The following DIP2C variants were observed in gnomAD, a reference collection of about 807,000 sequenced individuals.
DIP2C encodes the protein DIP2 acetate--CoA ligase C (putative), also known as disco-interacting protein 2 homolog C.
A neutral mutation model predicts 192.4 loss-of-function variants in DIP2C; 33 were observed. That is an observed-to-expected ratio of 0.17 (90% CI 0.13 to 0.23). The LOEUF is 0.23. Ranked by LOEUF, DIP2C falls within the 10% of genes least tolerant of loss-of-function variation. The pLI is 1.00. For missense variants in DIP2C, 1,537 were observed against 2,110.1 expected, an observed-to-expected ratio of 0.73 and a Z score of 5.32; for synonymous variants, 979 against 864.1, an observed-to-expected ratio of 1.13 and a Z score of -2.33.
At chr10:655,694 G>A (rs1323610728) in intron 1 of DIP2C, among the ~76,000 whole-genome samples, 1 of 152,108 alleles carries the variant, frequency 6.6e-6, no homozygotes, top group Non-Finnish European at 1.5e-5. Context: ...TAGTTCAACT[G>A]TATACTCTAC....
At chr10:536,642 A>T (rs1847714125) in intron 1 of DIP2C, among the ~76,000 whole-genome samples, 1 of 152,210 alleles carries the variant, frequency 6.6e-6, no homozygotes, top group African/African-American at 2.4e-5. Context: ...GTGATTCAGA[A>T]TTCGTTCATG....
chr10:473,987 T>G (rs1279570321), intron 2 of DIP2C, among the ~76,000 whole-genome samples: 3 of 152,178 alleles, frequency 2.0e-5, no homozygotes, highest in African/African-American at 7.2e-5. Flanking sequence ...TTGCTAAGTT[T>G]CATGTGCTTT....
chr10:391,721 C>T (rs537726125), intron 10 of DIP2C, among the ~76,000 whole-genome samples: 17 of 152,192 alleles, frequency 1.1e-4, no homozygotes, highest in Non-Finnish European at 2.4e-4. Context: ...AGCAAGTCAC[C>T]GTCTTCGCTC....
At chr10:673,083 C>CT (rs1263962246) in intron 1 of DIP2C, among the ~76,000 whole-genome samples, 1 of 152,158 alleles carries the variant, frequency 6.6e-6, no homozygotes, top group Non-Finnish European at 1.5e-5. Flanking sequence ...TTTCCCCGGC[C>CT]TTGCTGCTCA....
At chr10:435,954 G>A (rs1242834139) in intron 4 of DIP2C, among the ~76,000 whole-genome samples, 2 of 150,834 alleles carry the variant, frequency 1.3e-5, no homozygotes, top group Admixed American at 6.6e-5. Context: ...CTACTTTGTA[G>A]CCTCATATAT....
At position 378,277 on chromosome 10, in the gene DIP2C, A is replaced by G. The variant is rs75377533; in HGVS notation, c.1991+4370T>C. Reference sequence around the variant, plus strand: ...CAGTTCACGTAGCAAGACTGAGCAGACTTCACTAGAGAACGTGATTTCCTG... The same window carrying G: ...CAGTTCACGTAGCAAGACTGAGCAGGCTTCACTAGAGAACGTGATTTCCTG... On this transcript the variant is annotated intron_variant, in intron 17 of 36. Coordinates refer to ENST00000280886, the MANE Select transcript of DIP2C (RefSeq NM_014974.3). 8.5e-4 allele frequency among the ~76,000 whole-genome samples: 130 copies of G among 152,376 alleles called. 5 individuals carry two copies. In the East Asian group the frequency reaches 0.023, roughly 27 times the overall value.
intron 1 of DIP2C, among the ~76,000 whole-genome samples, chr10:633,078 G>C (rs1854616603): frequency 6.6e-6 from 1 of 152,262 alleles, no homozygotes; most frequent in African/African-American, 2.4e-5. Flanking sequence ...GGAAGGAACT[G>C]AGGAGGATGA....
At chr10:440,540 G>A (rs1967644177) in intron 4 of DIP2C, among the ~76,000 whole-genome samples, 1 of 152,206 alleles carries the variant, frequency 6.6e-6, no homozygotes, top group Non-Finnish European at 1.5e-5. Flanking sequence ...AGCCTAATCA[G>A]AAGAAAAGTC....
intron 1 of DIP2C, among the ~76,000 whole-genome samples, chr10:521,676 A>G (rs149278452): frequency 1.3e-5 from 2 of 152,300 alleles, no homozygotes; most frequent in Non-Finnish European, 2.9e-5. Flanking sequence ...AATAATTTAG[A>G]TTTGTGTATT....
chr10:548,515 GAGGGAGGCAGGC>G (rs1156531144), intron 1 of DIP2C, among the ~76,000 whole-genome samples: 77 of 150,638 alleles, frequency 5.1e-4, no homozygotes, highest in Middle Eastern at 3.2e-3. Context: ...AGGAGGGAGG[GAGGGAGGCAGGC>G]AGGCAGGCAG....
At chr10:332,344 G>C (rs1274581548) in intron 29 of DIP2C, among the ~76,000 whole-genome samples, 4 of 152,194 alleles carry the variant, frequency 2.6e-5, no homozygotes, top group Non-Finnish European at 4.4e-5. Context: ...TTCCTGGCCA[G>C]AGAATTTCAA....
intron 9 of DIP2C, among the ~76,000 whole-genome samples, chr10:407,918 G>A (rs951615059): frequency 1.3e-5 from 2 of 152,082 alleles, no homozygotes; most frequent in African/African-American, 4.8e-5. Flanking sequence ...ATACAAACAT[G>A]TTTAATGTAA....
chr10:323,731 T>A (rs909553247), intron 31 of DIP2C, among the ~76,000 whole-genome samples: 1 of 152,222 alleles, frequency 6.6e-6, no homozygotes, highest in African/African-American at 2.4e-5. Flanking sequence ...AATATTCTTT[T>A]ATAAAGAAAA....
intron 1 of DIP2C, among the ~76,000 whole-genome samples, chr10:502,086 C>CA (rs1343928883): frequency 2.0e-5 from 3 of 152,166 alleles, no homozygotes; most frequent in Admixed American, 6.5e-5. Flanking sequence ...GTCGAGGTTG[C>CA]ACTGAGCTAT....
At chr10:314,084 A>G (rs1043352004) in intron 31 of DIP2C, among the ~76,000 whole-genome samples, 1 of 152,230 alleles carries the variant, frequency 6.6e-6, no homozygotes, top group African/African-American at 2.4e-5. Flanking sequence ...CTCCAGGCAA[A>G]TGACACTCTT....
In DIP2C at chr10:389,988, C is replaced by A; in HGVS notation, c.1597+3G>T. On this transcript the variant is annotated splice_donor_region_variant and intron_variant, in intron 13 of 36. Coordinates refer to ENST00000280886, the MANE Select transcript of DIP2C (RefSeq NM_014974.3). ...CCCAAGGAGTCAGGGTCTGGCACCCCACCTTCCGTGTAGCCACACGCCTGC... is the reference window on the plus strand; with the variant it reads ...CCCAAGGAGTCAGGGTCTGGCACCCAACCTTCCGTGTAGCCACACGCCTGC... The A allele has an allele frequency of 6.2e-7, 1 of 1,611,180 alleles. No individual in the cohort carries two copies. The highest frequency in any genetic ancestry group is 8.5e-7 in the Non-Finnish European group (1 of 1,178,572).
chr10:540,322 G>C (rs1466327147), intron 1 of DIP2C, among the ~76,000 whole-genome samples: 1 of 152,226 alleles, frequency 6.6e-6, no homozygotes. Flanking sequence ...AATTATCTCA[G>C]GTGTGTTTGA....
intron 36 of DIP2C, 31 bp from the exon 37 acceptor site, chr10:277,608 ATGTT>A: frequency 6.2e-7 from 1 of 1,609,844 alleles, no homozygotes; most frequent in Admixed American, 1.7e-5. Flanking sequence ...CCATCATTAT[ATGTT>A]TATTAATGCT....
chr10:571,035 C>G (rs1195177525), intron 1 of DIP2C, among the ~76,000 whole-genome samples: 2 of 152,138 alleles, frequency 1.3e-5, no homozygotes, highest in Admixed American at 1.3e-4. Context: ...CCACGCTGGA[C>G]CGGCACTGGC....
Sources: gnomAD v4.1 joint callset for allele counts (sites outside exome capture counted in the v4.1 genomes callset) on GRCh38, gnomAD v4.1.1 for gene constraint, MANE v1.5 for transcripts, NCBI Gene and HGNC (gene_info 2026-07-23, HGNC 2026-07-21) for gene names.